The following GCNT2 variants were observed in gnomAD, a reference collection of about 807,000 sequenced individuals.
GCNT2 encodes glucosaminyl (N-acetyl) transferase 2 (I blood group).
Under a neutral mutation model 34.2 loss-of-function variants are expected in GCNT2, and 34 were observed. The observed-to-expected ratio is 1.00, with a 90% confidence interval of 0.76 to 1.32. The LOEUF (loss-of-function observed/expected upper bound fraction) is 1.32. GCNT2 is among the 40% of genes most tolerant of loss of function. GCNT2 has a pLI of 0.00. For missense variants in GCNT2, 584 were observed against 489.4 expected (o/e 1.19, Z -1.82); for synonymous variants, 212 against 188.0 (o/e 1.13, Z -1.04).
chr6:10,541,208 T>C (rs766612468), intron 3 of GCNT2, among the ~76,000 whole-genome samples: 3 of 152,114 alleles, frequency 2.0e-5, no homozygotes, highest in Non-Finnish European at 4.4e-5. Flanking sequence ...GTTGTTCCCT[T>C]GCATGTGTCC....
intron 3 of GCNT2, among the ~76,000 whole-genome samples, chr6:10,569,234 G>GA (rs1561806819): frequency 7.3e-4 from 14 of 19,282 alleles, no homozygotes; most frequent in Non-Finnish European, 9.7e-4. Context: ...CACTCCCCCC[G>GA]CCACACACAC....
intron 3 of GCNT2, chr6:10,585,794 C>A: frequency 6.9e-7 from 1 of 1,440,682 alleles, no homozygotes; most frequent in Non-Finnish European, 9.1e-7. Flanking sequence ...CACCGCATCT[C>A]CAGGCACATC....
chr6:10,622,231 A>G lies in GCNT2; in HGVS notation c.1018+788A>G, dbSNP rs369327766. Among the ~76,000 whole-genome samples the G allele has an allele frequency of 7.9e-5, 12 of 152,328 alleles. 1 individual carries two copies. The East Asian group carries it at 2.1e-3, about 27-fold the overall frequency. ...TCCTGGCACACACTGCATTCAGAAT[A>G]TTGCCCAGCATATACTGGGCATGAG... is the stretch of plus-strand genomic sequence containing the variant. On this transcript the variant is annotated intron_variant, in intron 4 of 4. Coordinates refer to ENST00000495262, the MANE Select transcript of GCNT2 (RefSeq NM_145649.5).
intron 3 of GCNT2, among the ~76,000 whole-genome samples, chr6:10,603,135 C>T (rs1765150280): frequency 6.6e-6 from 1 of 152,182 alleles, no homozygotes; most frequent in Non-Finnish European, 1.5e-5. Flanking sequence ...CCTAAAGAGG[C>T]AGTTTTTGAA....
intron 3 of GCNT2, among the ~76,000 whole-genome samples, chr6:10,570,359 G>C (rs1325990322): frequency 6.6e-6 from 1 of 152,316 alleles, no homozygotes; most frequent in Non-Finnish European, 1.5e-5. Context: ...TGGGAGTTGG[G>C]CTTTCGAAAC....
chr6:10,586,383 G>GC (rs773846284), intron 3 of GCNT2: 1 of 1,614,124 alleles, frequency 6.2e-7, no homozygotes, highest in Non-Finnish European at 8.5e-7. Flanking sequence ...GGATGAGAAA[G>GC]CCCCAGCTGA....
Position 10,582,474 on chromosome 6 carries a change from AC to A in GCNT2, c.926-38876del, listed in dbSNP as rs1383808397. 2.7e-3 allele frequency among the ~76,000 whole-genome samples: 306 copies of A among 115,350 alleles called. 8 individuals are homozygous for A. The highest frequency in any genetic ancestry group is 0.011 in the African/African-American group (280 of 26,370). 75.7% of individuals were successfully genotyped at this position (115,350 alleles called of 152,430 possible). A position where few individuals can be genotyped will look rare whatever the true frequency, so the allele number is the denominator to read the frequency against. ...AATATATATAATAAATATAATATAT[AC>A]TATAATATATACTATAATATATAAT... On this transcript the variant is annotated intron_variant, in intron 3 of 4. Coordinates refer to ENST00000495262, the MANE Select transcript of GCNT2 (RefSeq NM_145649.5).
chr6:10,546,898 G>C (rs566608600), intron 3 of GCNT2, among the ~76,000 whole-genome samples: 10 of 151,828 alleles, frequency 6.6e-5, no homozygotes, highest in Non-Finnish European at 4.4e-5. Flanking sequence ...ATAATATGTT[G>C]GTAATCTATG....
chr6:10,558,486 A>G (rs1227782527), intron 3 of GCNT2, among the ~76,000 whole-genome samples: 1 of 152,182 alleles, frequency 6.6e-6, no homozygotes, highest in Non-Finnish European at 1.5e-5. Context: ...TCTCACCCGA[A>G]TTTTCCTATC....
At chr6:10,612,954 C>G (rs1409093974) in intron 3 of GCNT2, among the ~76,000 whole-genome samples, 1 of 152,240 alleles carries the variant, frequency 6.6e-6, no homozygotes. Context: ...TGATTTTCTA[C>G]AGCTGAACCA....
chr6:10,542,835 T>G (rs1455117697), intron 3 of GCNT2, among the ~76,000 whole-genome samples: 2 of 151,930 alleles, frequency 1.3e-5, no homozygotes, highest in African/African-American at 4.8e-5. Context: ...TGGGGACACA[T>G]GTTTTCATTT....
intron 3 of GCNT2, among the ~76,000 whole-genome samples, chr6:10,551,863 T>A (rs1339227256): frequency 6.6e-6 from 1 of 152,024 alleles, no homozygotes; most frequent in Non-Finnish European, 1.5e-5. Flanking sequence ...GTTCAAGCGA[T>A]TCTCCTGCCT....
intron 3 of GCNT2, among the ~76,000 whole-genome samples, chr6:10,579,203 A>G (rs1007414333): frequency 6.6e-6 from 1 of 152,182 alleles, no homozygotes; most frequent in African/African-American, 2.4e-5. Flanking sequence ...TCTTCACAAG[A>G]GGAATATTAA....
At position 10,626,677 on chromosome 6, in the gene GCNT2, C is replaced by T. The variant is rs546488557; in HGVS notation, c.*70C>T. 8.5e-7 allele frequency: 1 copy of T among 1,177,522 alleles called. No individual in the cohort carries two copies. Among genetic ancestry groups the T allele is most frequent in the South Asian group, 1.2e-5 (1 of 81,376 alleles). The allele number at this position is 1,177,522 out of a possible 1,614,324, so 72.9% of individuals were successfully genotyped here. The stretch of plus-strand genomic sequence containing the variant: ...AAGAGGAGCCTGTTTTTGTGAGAGA[C>T]TTTTGCCTTCGTAATGTTAACCGTT... On this transcript the variant is annotated 3_prime_UTR_variant, in exon 5 of 5. Coordinates refer to ENST00000495262, the MANE Select transcript of GCNT2 (RefSeq NM_145649.5).
intron 3 of GCNT2, among the ~76,000 whole-genome samples, chr6:10,532,505 C>T (rs555207973): frequency 1.3e-5 from 2 of 152,280 alleles, no homozygotes; most frequent in South Asian, 4.1e-4. Context: ...TCACGGCTCA[C>T]GGCCTCAACC....
chr6:10,556,321 G>C (rs1762699531), intron 3 of GCNT2: 1 of 1,583,002 alleles, frequency 6.3e-7, no homozygotes, highest in Non-Finnish European at 8.5e-7. Flanking sequence ...GGGCAGGAGT[G>C]AGTGGAGTAT....
Position 10,564,752 on chromosome 6 carries a change from ATTG to A in GCNT2, c.925+34919_925+34921del, listed in dbSNP as rs537845507. ...CAAATATGTAAGGTCTAAATGAGTT[ATTG>A]TTATTGTATTTTCATCTATAAGATG... On this transcript the variant is annotated intron_variant, in intron 3 of 4. Transcript: ENST00000495262. Among the ~76,000 whole-genome samples the A allele has an allele frequency of 3.1e-3, 473 of 151,680 alleles. 2 individuals carry two copies. Among genetic ancestry groups the A allele is most frequent in the Admixed American group, 9.6e-3 (146 of 15,282 alleles).
chr6:10,533,829 ATG>A (rs1316943205), intron 3 of GCNT2, among the ~76,000 whole-genome samples: 96 of 135,148 alleles, frequency 7.1e-4, no homozygotes, highest in African/African-American at 2.4e-3. Flanking sequence ...AAAAAAAAGA[ATG>A]TATTTTATTT....
At chr6:10,540,343 CT>C (rs1457266582) in intron 3 of GCNT2, among the ~76,000 whole-genome samples, 2 of 151,746 alleles carry the variant, frequency 1.3e-5, no homozygotes, top group Non-Finnish European at 2.9e-5. Context: ...TTCATGCTGT[CT>C]TTTTGTTCTG....
Sources: allele counts gnomAD v4.1 joint callset (sites outside exome capture counted in the v4.1 genomes callset), GRCh38; gene constraint gnomAD v4.1.1; transcripts MANE v1.5; gene names NCBI Gene and HGNC (gene_info 2026-07-23, HGNC 2026-07-21).